Variants in WDR72 observed in about 807,000 individuals in gnomAD.
WDR72 encodes the protein WD repeat domain 72.
WDR72 carries 120 observed loss-of-function variants against 124.2 expected under a neutral mutation model. The ratio of observed to expected loss-of-function variants is 0.97; its 90% CI spans 0.83 to 1.12. The LOEUF (loss-of-function observed/expected upper bound fraction) is 1.12, where lower values mean the gene tolerates loss of function less well. Ranked by LOEUF, WDR72 falls within the 50% of genes most tolerant of loss-of-function variation. The pLI is 0.00. For synonymous variants in WDR72, 452 were observed against 441.7 expected (o/e 1.02, Z -0.29); for missense variants, 1,387 against 1,278.8 (o/e 1.08, Z -1.29).
intron 1 of WDR72, among the ~76,000 whole-genome samples, chr15:53,741,887 C>CT (rs1420926408): frequency 6.6e-6 from 1 of 152,140 alleles, no homozygotes; most frequent in Non-Finnish European, 1.5e-5. Flanking sequence ...GCCACCACAC[C>CT]TAGCTAACTT....
At chr15:53,594,713 T>G (rs1906441) in intron 18 of WDR72, among the ~76,000 whole-genome samples, 124,918 of 151,174 alleles carry the variant, frequency 0.83, 51,830 homozygotes, top group Middle Eastern at 0.93. Flanking sequence ...GATCATTTTA[T>G]TCCAGGAGGT....
intron 9 of WDR72, among the ~76,000 whole-genome samples, chr15:53,707,244 G>A (rs112948406): frequency 5.3e-5 from 8 of 152,226 alleles, no homozygotes; most frequent in African/African-American, 1.9e-4. Context: ...GATTATTAAA[G>A]GCCACGATAT....
At chr15:53,530,190 T>C (rs1892372267) in intron 18 of WDR72, among the ~76,000 whole-genome samples, 1 of 151,250 alleles carries the variant, frequency 6.6e-6, no homozygotes, top group Non-Finnish European at 1.5e-5. Flanking sequence ...ATATACAAAA[T>C]AAGAAACATT....
At chr15:53,677,181 A>C (rs2016204564) in intron 13 of WDR72, among the ~76,000 whole-genome samples, 1 of 152,120 alleles carries the variant, frequency 6.6e-6, no homozygotes, top group African/African-American at 2.4e-5. Context: ...TGGCCTCCCA[A>C]AGTGCTGGGA....
Position 53,615,423 on chromosome 15 carries a change from T to C in WDR72, c.2780+3A>G, listed in dbSNP as rs759050222. 1.2e-6 allele frequency: 2 copies of C among 1,605,672 alleles called. No homozygotes were observed. Among genetic ancestry groups the C allele is most frequent in the Non-Finnish European group, 1.7e-6 (2 of 1,174,842 alleles). ...ATAGTCAAAATCTCTAGGTATGTCTTACCTGCCAACTCTACATGCCAATTC... is the reference window on the plus strand; with the variant it reads ...ATAGTCAAAATCTCTAGGTATGTCTCACCTGCCAACTCTACATGCCAATTC... On this transcript the variant is annotated splice_donor_region_variant and intron_variant, in intron 15 of 19. Transcript: ENST00000360509.
intron 4 of WDR72, among the ~76,000 whole-genome samples, chr15:53,716,007 A>G (rs1038279307): frequency 6.6e-6 from 1 of 152,196 alleles, no homozygotes; most frequent in Non-Finnish European, 1.5e-5. Context: ...GCAGGGTTTT[A>G]TTTCCAAAAA....
Position 53,645,850 on chromosome 15 carries a change from G to C in WDR72, c.1962+19722C>G, listed in dbSNP as rs376216939. 2.2e-4 allele frequency among the ~76,000 whole-genome samples: 33 copies of C among 152,230 alleles called. 1 individual carries two copies. The South Asian group carries it at 6.6e-3, about 31-fold the overall frequency. The stretch of plus-strand genomic sequence containing the variant: ...TTTGAAATTGCTAGATTAACCTTAA[G>C]TAGGACATATATATTTTTTGCTAGT... On this transcript the variant is annotated intron_variant, in intron 14 of 19. Transcript: ENST00000360509.
At chr15:53,674,356 C>A (rs1381176871) in intron 13 of WDR72, among the ~76,000 whole-genome samples, 1 of 152,202 alleles carries the variant, frequency 6.6e-6, no homozygotes, top group African/African-American at 2.4e-5. Context: ...GTCTGTTATA[C>A]AATTTATCAT....
chr15:53,619,264 TTGTG>T (rs3081256), intron 14 of WDR72, among the ~76,000 whole-genome samples: 73 of 147,498 alleles, frequency 4.9e-4, no homozygotes, highest in South Asian at 1.1e-3. Flanking sequence ...TGCTTTATAA[TTGTG>T]TGTGTGTGTG....
intron 14 of WDR72, among the ~76,000 whole-genome samples, chr15:53,643,930 A>C (rs985283438): frequency 3.3e-5 from 5 of 152,180 alleles, no homozygotes; most frequent in African/African-American, 1.2e-4. Flanking sequence ...TTATCCATGA[A>C]AAATGTGTAC....
rs1263843098 is a variant in WDR72 at position 53,661,397 on chromosome 15, C to T, written c.1962+4175G>A. ...ACAAGAGAGACAGGAGAGGGAGGAG[C>T]TCTTATTAGCATCCAATGCTCCTGG... On this transcript the variant is annotated intron_variant, in intron 14 of 19. Coordinates refer to ENST00000360509, the MANE Select transcript of WDR72 (RefSeq NM_182758.4). 4.6e-5 allele frequency among the ~76,000 whole-genome samples: 7 copies of T among 152,162 alleles called. No homozygotes were observed. In the East Asian group the frequency reaches 1.4e-3, roughly 29 times the overall value.
Position 53,716,610 on chromosome 15 carries a change from G to T in WDR72, c.336C>A (p.Ile112=). 1 of 1,603,312 alleles carries T rather than the reference G, an allele frequency of 6.2e-7. No individual in the cohort carries two copies. The highest frequency in any genetic ancestry group is 8.5e-7 in the Non-Finnish European group (1 of 1,170,128). ...TGAAGGAAGTGAGTGTACTTACACA[G>T]ATTGCAGTGTGCCTGTAAGGAAGTG... ...KATLPYRHTA[I]CYYHCSFRMT... The change falls in exon 4 of 20, where the codon ATC becomes ATA. Residue 112 remains isoleucine (I), a synonymous_variant. Coordinates refer to ENST00000360509, the MANE Select transcript of WDR72 (RefSeq NM_182758.4).
intron 1 of WDR72, among the ~76,000 whole-genome samples, chr15:53,736,512 C>T (rs2018358712): frequency 6.6e-6 from 1 of 152,140 alleles, no homozygotes; most frequent in African/African-American, 2.4e-5. Context: ...AAGGAAGTGG[C>T]CCTGCTGTGA....
At chr15:53,655,760 T>G (rs992783491) in intron 14 of WDR72, among the ~76,000 whole-genome samples, 1 of 151,956 alleles carries the variant, frequency 6.6e-6, no homozygotes, top group Non-Finnish European at 1.5e-5. Context: ...TGGCACAAGC[T>G]TGGCTCACTG....
At chr15:53,658,425 T>C (rs1472917982) in intron 14 of WDR72, among the ~76,000 whole-genome samples, 2 of 152,132 alleles carry the variant, frequency 1.3e-5, no homozygotes, top group African/African-American at 4.8e-5. Context: ...GAAAATTGCT[T>C]AGAAAATTCT....
At chr15:53,740,993 A>G (rs1014371921) in intron 1 of WDR72, among the ~76,000 whole-genome samples, 2 of 152,210 alleles carry the variant, frequency 1.3e-5, no homozygotes, top group African/African-American at 2.4e-5. Flanking sequence ...TGGATAATCC[A>G]TATGTCAAAC....
At chr15:53,702,786 C>G (rs1290511155) in intron 11 of WDR72, among the ~76,000 whole-genome samples, 1 of 152,112 alleles carries the variant, frequency 6.6e-6, no homozygotes, top group Non-Finnish European at 1.5e-5. Context: ...TTCTTAAGGA[C>G]ATTAGTAAGC....
chr15:53,612,986 T>C (rs529819954), intron 16 of WDR72, among the ~76,000 whole-genome samples: 5 of 151,838 alleles, frequency 3.3e-5, no homozygotes, highest in South Asian at 4.2e-4. Flanking sequence ...ATTCTGAAGG[T>C]AGAACTGACA....
At chr15:53,525,990 A>G (rs922589909) in intron 18 of WDR72, among the ~76,000 whole-genome samples, 3 of 152,034 alleles carry the variant, frequency 2.0e-5, no homozygotes, top group Admixed American at 1.3e-4. Context: ...TAATCCTTGC[A>G]ATTGTTCTTT....
Sources: allele counts gnomAD v4.1 joint callset (sites outside exome capture counted in the v4.1 genomes callset), GRCh38; gene constraint gnomAD v4.1.1; transcripts MANE v1.5; gene names NCBI Gene and HGNC (gene_info 2026-07-23, HGNC 2026-07-21).